The following KIAA0319 variants were observed in gnomAD, a reference collection of about 807,000 sequenced individuals.
KIAA0319 encodes KIAA0319.
KIAA0319 carries 83 observed loss-of-function variants against 108.4 expected under a neutral mutation model. That is an observed-to-expected ratio of 0.77 (90% CI 0.64 to 0.92). KIAA0319 has a LOEUF of 0.92. KIAA0319 is among the 40% of genes least tolerant of loss of function. The pLI, the probability that KIAA0319 is intolerant of heterozygous loss-of-function variation, is 0.00. For missense variants in KIAA0319, 1,195 were observed against 1,322.4 expected (o/e 0.90, Z 1.49); for synonymous variants, 484 against 510.4 (o/e 0.95, Z 0.70).
chr6:24,552,488 G>A (rs900676593), intron 19 of KIAA0319, among the ~76,000 whole-genome samples: 1 of 152,176 alleles, frequency 6.6e-6, no homozygotes, highest in Admixed American at 6.5e-5. Flanking sequence ...AAAACTTAAC[G>A]GGATTTAGGC....
At chr6:24,617,687 C>T (rs1773350775) in intron 1 of KIAA0319, among the ~76,000 whole-genome samples, 1 of 151,984 alleles carries the variant, frequency 6.6e-6, no homozygotes, top group African/African-American at 2.4e-5. Context: ...GCCAGGAACC[C>T]TAAAGAAGTA....
intron 4 of KIAA0319, 126 bp from the exon 5 acceptor site, chr6:24,583,828 T>G: frequency 3.0e-6 from 2 of 661,052 alleles, no homozygotes; most frequent in Non-Finnish European, 5.1e-6. Flanking sequence ...TAGTTCTTCA[T>G]AAGATTTTAG....
At chr6:24,560,426 G>A (rs1561931983) in intron 16 of KIAA0319, among the ~76,000 whole-genome samples, 1 of 152,280 alleles carries the variant, frequency 6.6e-6, no homozygotes, top group Middle Eastern at 3.4e-3. Context: ...TTCAACATGG[G>A]TTTGGTTGGC....
chr6:24,596,654 C>A, intron 2 of KIAA0319, 36 bp from the exon 3 acceptor site: 3 of 1,552,202 alleles, frequency 1.9e-6, no homozygotes, highest in Non-Finnish European at 2.6e-6. Context: ...GGGAGAGAGG[C>A]ATATCACAGG....
chr6:24,623,897 C>T (rs1422076166), intron 1 of KIAA0319, among the ~76,000 whole-genome samples: 1 of 151,624 alleles, frequency 6.6e-6, no homozygotes, highest in Non-Finnish European at 1.5e-5. Context: ...CACATGTACC[C>T]CATAAATGTG....
intron 1 of KIAA0319, among the ~76,000 whole-genome samples, chr6:24,623,650 G>C (rs1774274645): frequency 6.6e-6 from 1 of 152,186 alleles, no homozygotes; most frequent in Non-Finnish European, 1.5e-5. Flanking sequence ...TTCTAAGGGG[G>C]ATGAAGAGGA....
In KIAA0319 at chr6:24,576,575, G is replaced by A. The variant is rs374085789; in HGVS notation, c.1527C>T (p.Asp509=). The stretch of plus-strand genomic sequence containing the variant: ...CTGCAGTTGTAGAGTTAGTGGCTCC[G>A]TCCGAGTCTGTAACAGTCAACCTAC... ...YSFRLTVTDS[D]GATNSTTAAL... Residue 509 remains aspartate (D), a synonymous_variant, in exon 10 of 21, where the codon GAC becomes GAT. Transcript: ENST00000378214. 61 of 1,613,954 alleles carry A rather than the reference G, an allele frequency of 3.8e-5. No individual in the cohort carries two copies. The highest frequency in any genetic ancestry group is 2.1e-4 in the African/African-American group (16 of 75,016).
intron 1 of KIAA0319, among the ~76,000 whole-genome samples, chr6:24,605,063 T>C (rs915855340): frequency 3.9e-5 from 6 of 152,016 alleles, no homozygotes; most frequent in African/African-American, 1.2e-4. Flanking sequence ...CTGGTCTCGA[T>C]CTCCTGACCT....
chr6:24,641,942 G>A (rs372717250), intron 1 of KIAA0319, among the ~76,000 whole-genome samples: 2 of 151,330 alleles, frequency 1.3e-5, no homozygotes, highest in East Asian at 3.9e-4. Context: ...TGAGGTGGGA[G>A]GAGGCAGAGG....
At position 24,559,138 on chromosome 6, in the gene KIAA0319, TA is replaced by T; in HGVS notation, c.2608del (p.Tyr870MetfsTer37). ...CTTGAAAGGCGGCCTGCTCTGTACA[TA>T]AAACACAATCACGGTGCTGTGGAGG... ...HSDLSTVIVF[Y>X]VQSRPPFKVL... On this transcript the variant is annotated frameshift_variant, in exon 17 of 21. Coordinates refer to ENST00000378214, the MANE Select transcript of KIAA0319 (RefSeq NM_014809.4). LOFTEE classifies it high-confidence loss of function. 6.2e-7 allele frequency: 1 copy of T among 1,613,134 alleles called. No homozygotes were observed. The highest frequency in any genetic ancestry group is 8.5e-7 in the Non-Finnish European group (1 of 1,179,990).
rs1766298009 is a variant in KIAA0319 at position 24,580,321 on chromosome 6, A to AC, written c.1280-372dup. ...CTAACTGAAGGCAACTCCCCCCCCC[A>AC]CCCCCCATAACCATATGCAAAAGAT... On this transcript the variant is annotated intron_variant, in intron 7 of 20. Coordinates refer to ENST00000378214, the MANE Select transcript of KIAA0319 (RefSeq NM_014809.4). 3.0e-5 allele frequency among the ~76,000 whole-genome samples: 3 copies of AC among 100,740 alleles called. No homozygotes were observed. In the Admixed American group the frequency reaches 3.2e-4, roughly 11 times the overall value. 66.1% of individuals were successfully genotyped at this position (100,740 alleles called of 152,430 possible).
At chr6:24,590,169 T>C (rs1003629588) in intron 3 of KIAA0319, among the ~76,000 whole-genome samples, 4 of 152,124 alleles carry the variant, frequency 2.6e-5, no homozygotes, top group East Asian at 3.8e-4. Flanking sequence ...CATAAGGATA[T>C]GGCATACATT....
Position 24,547,363 on chromosome 6 carries a change from C to T in KIAA0319, c.3041-20G>A. Reference sequence around the variant, plus strand: ...TGATACCTAGAGAGAAGCACAGAAGCATCTGAGGAGGAACGCCGTGATTCA... The same window carrying T: ...TGATACCTAGAGAGAAGCACAGAAGTATCTGAGGAGGAACGCCGTGATTCA... On this transcript the variant is annotated intron_variant, in intron 20 of 20. Coordinates refer to ENST00000378214, the MANE Select transcript of KIAA0319 (RefSeq NM_014809.4). 1.2e-6 allele frequency: 2 copies of T among 1,606,618 alleles called. No homozygotes were observed. Among genetic ancestry groups the T allele is most frequent in the Non-Finnish European group, 1.7e-6 (2 of 1,174,148 alleles).
At chr6:24,578,294 TAA>T (rs1561979652) in intron 8 of KIAA0319, 52 bp from the exon 9 acceptor site, 3 of 1,371,914 alleles carry the variant, frequency 2.2e-6, no homozygotes, top group Admixed American at 2.0e-5. Flanking sequence ...GAGGAAGACA[TAA>T]GTTTTATACT....
In KIAA0319 at chr6:24,569,996, T is replaced by C. The variant is rs975372147; in HGVS notation, c.1898A>G (p.Lys633Arg). ...ACTTTCCACTGGGAAGATCAGCTCT[T>C]TATCAGGGCCGGCCACAGCCACTGG... ...RPPVAVAGPD[K>R]ELIFPVESAT... Residue 633 changes from lysine to arginine, a missense_variant, in exon 12 of 21, where the codon AAA becomes AGA. Physicochemically the swap from Lys to Arg is conservative, Grantham distance 26. Transcript: ENST00000378214. 6.2e-7 allele frequency: 1 copy of C among 1,614,038 alleles called. No homozygotes were observed. The highest frequency in any genetic ancestry group is 1.3e-5 in the African/African-American group (1 of 74,938).
chr6:24,559,289 C>T (rs942233889), intron 16 of KIAA0319, 134 bp from the exon 17 acceptor site: 33 of 885,330 alleles, frequency 3.7e-5, no homozygotes, highest in African/African-American at 2.5e-4. Flanking sequence ...AGGACAGGGG[C>T]GTATCTGTGA....
At chr6:24,620,458 G>A (rs1236082241) in intron 1 of KIAA0319, among the ~76,000 whole-genome samples, 1 of 152,068 alleles carries the variant, frequency 6.6e-6, no homozygotes, top group Admixed American at 6.6e-5. Flanking sequence ...ACACCACCAC[G>A]TCCGGCTAAT....
At chr6:24,621,047 G>T (rs931347167) in intron 1 of KIAA0319, among the ~76,000 whole-genome samples, 1 of 152,170 alleles carries the variant, frequency 6.6e-6, no homozygotes, top group Non-Finnish European at 1.5e-5. Flanking sequence ...CCCTTTTAGG[G>T]AGTCCCTGTC....
At chr6:24,613,044 C>T (rs967317417) in intron 1 of KIAA0319, among the ~76,000 whole-genome samples, 1 of 152,114 alleles carries the variant, frequency 6.6e-6, no homozygotes, top group African/African-American at 2.4e-5. Flanking sequence ...GGTGATCCGC[C>T]CGCCTCGGCT....
Sources: allele counts gnomAD v4.1 joint callset (sites outside exome capture counted in the v4.1 genomes callset), GRCh38; gene constraint gnomAD v4.1.1; transcripts MANE v1.5; gene names NCBI Gene and HGNC (gene_info 2026-07-23, HGNC 2026-07-21).